EML6: variants seen among roughly 807,000 people sequenced by gnomAD.
EML6 encodes EMAP like 6, also known as echinoderm microtubule-associated protein-like 6.
A neutral mutation model predicts 240.1 loss-of-function variants in EML6; 154 were observed. That is an observed-to-expected ratio of 0.64 (90% CI 0.56 to 0.73). The LOEUF is 0.73. Among genes scored for constraint, EML6 ranks in the 30% least tolerant of loss-of-function variants. The probability of loss-of-function intolerance (pLI) is 0.00; values close to 1 mark genes in which losing one functional copy is unlikely to be tolerated. For synonymous variants in EML6, 1,148 were observed against 899.0 expected, an observed-to-expected ratio of 1.28 and a Z score of -4.95; for missense variants, 2,964 against 2,474.6, an observed-to-expected ratio of 1.20 and a Z score of -4.20.
At chr2:54,948,233 G>A (rs1480848071) in intron 28 of EML6, among the ~76,000 whole-genome samples, 2 of 152,142 alleles carry the variant, frequency 1.3e-5, no homozygotes, top group African/African-American at 4.8e-5. Flanking sequence ...CAAAACGGAG[G>A]CGGGAAAAGC....
At chr2:54,923,367 G>GCGCACACACA (rs1200496290) in intron 26 of EML6, among the ~76,000 whole-genome samples, 35 of 144,462 alleles carry the variant, frequency 2.4e-4, no homozygotes, top group African/African-American at 5.9e-4. Flanking sequence ...CTCACCAAAC[G>GCGCACACACA]CACACACACA....
intron 2 of EML6, among the ~76,000 whole-genome samples, chr2:54,791,353 T>C (rs1221874147): frequency 6.6e-6 from 1 of 152,214 alleles, no homozygotes; most frequent in African/African-American, 2.4e-5. Context: ...CTGTCCAGTT[T>C]GATTTCAACA....
intron 21 of EML6, among the ~76,000 whole-genome samples, chr2:54,897,721 C>G (rs1464875212): frequency 6.6e-6 from 1 of 150,708 alleles, no homozygotes; most frequent in African/African-American, 2.4e-5. Context: ...ATCTTTTTTT[C>G]GTCTTCTGCT....
At chr2:54,877,948 C>G (rs564874728) in intron 16 of EML6, among the ~76,000 whole-genome samples, 26 of 152,298 alleles carry the variant, frequency 1.7e-4, no homozygotes, top group African/African-American at 5.8e-4. Context: ...GGGTCTCTTG[C>G]ATAAGCAAGG....
At chr2:54,773,910 A>T (rs1238568457) in intron 2 of EML6, among the ~76,000 whole-genome samples, 1 of 152,226 alleles carries the variant, frequency 6.6e-6, no homozygotes, top group Non-Finnish European at 1.5e-5. Flanking sequence ...TGTTTCTGCT[A>T]CATACCATCA....
intron 2 of EML6, among the ~76,000 whole-genome samples, chr2:54,804,387 G>A (rs532915833): frequency 3.8e-4 from 58 of 152,224 alleles, no homozygotes; most frequent in Non-Finnish European, 7.5e-4. Context: ...TCTCATTAGT[G>A]AAACTTCTCA....
chr2:54,890,034 G>C (rs185212998), intron 17 of EML6, among the ~76,000 whole-genome samples: 83 of 152,326 alleles, frequency 5.4e-4, no homozygotes, highest in African/African-American at 2.0e-3. Flanking sequence ...TAAATGACAA[G>C]TCTGAAGCAT....
intron 2 of EML6, among the ~76,000 whole-genome samples, chr2:54,740,223 T>C (rs1683570682): frequency 2.0e-5 from 3 of 151,786 alleles, no homozygotes; most frequent in South Asian, 2.1e-4. Flanking sequence ...CCAGAGAAGG[T>C]AGGGAGGAAA....
At chr2:54,818,641 C>T (rs1490492658) in intron 4 of EML6, among the ~76,000 whole-genome samples, 5 of 152,192 alleles carry the variant, frequency 3.3e-5, no homozygotes, top group African/African-American at 1.2e-4. Context: ...AAATTGAACA[C>T]CTCTGGATAT....
chr2:54,848,255 A>G (rs961902873), intron 9 of EML6, among the ~76,000 whole-genome samples: 3 of 152,194 alleles, frequency 2.0e-5, no homozygotes, highest in African/African-American at 7.2e-5. Flanking sequence ...CTCTGAATGC[A>G]TTTGTCGTTC....
chr2:54,875,693 AG>A (rs1671469968), intron 16 of EML6, among the ~76,000 whole-genome samples: 1 of 152,268 alleles, frequency 6.6e-6, no homozygotes, highest in Admixed American at 6.5e-5. Flanking sequence ...AAGGACAAGA[AG>A]GAATGAATTT....
chr2:54,895,160 A>C, intron 20 of EML6, 113 bp from the exon 21 acceptor site: 11 of 1,344,372 alleles, frequency 8.2e-6, no homozygotes, highest in Non-Finnish European at 1.0e-5. Flanking sequence ...CCTCTGGTAG[A>C]AATGTCAAGG....
Position 54,957,982 on chromosome 2 carries a change from C to T in EML6, c.4679C>T (p.Ser1560Phe). The change falls in exon 33 of 42, where the codon TCC (serine) becomes TTC (phenylalanine). Residue 1560 changes from serine to phenylalanine, a missense_variant. Coordinates refer to ENST00000356458, the MANE Select transcript of EML6 (RefSeq NM_001039753.4). ...LGAAKMQTML[S>F]VAFGANNLTF... is the part of the protein sequence containing the mutation. ...GCTGCCAAAATGCAGACGATGCTCT[C>T]CGTGGCCTTCGGTGCTGTGAGTTCT... 6.4e-7 allele frequency: 1 copy of T among 1,550,878 alleles called. No individual in the cohort carries two copies. Among genetic ancestry groups the T allele is most frequent in the Non-Finnish European group, 8.7e-7 (1 of 1,146,406 alleles).
At chr2:54,740,743 G>A (rs1257013181) in intron 2 of EML6, among the ~76,000 whole-genome samples, 1 of 149,944 alleles carries the variant, frequency 6.7e-6, no homozygotes, top group East Asian at 2.0e-4. Context: ...AAGAGATATT[G>A]TTACAGATGT....
At chr2:54,813,509 C>T (rs767961443) in intron 3 of EML6, 118 bp downstream of exon 3, 1 of 873,970 alleles carries the variant, frequency 1.1e-6, no homozygotes, top group Non-Finnish European at 1.8e-6. Context: ...TCTGGCACAG[C>T]CTCCTAGAAT....
intron 2 of EML6, among the ~76,000 whole-genome samples, chr2:54,764,760 G>C (rs1370879858): frequency 6.6e-6 from 1 of 152,152 alleles, no homozygotes; most frequent in African/African-American, 2.4e-5. Context: ...TGGGGAAATG[G>C]GGCAGCAAAA....
intron 2 of EML6, among the ~76,000 whole-genome samples, chr2:54,752,529 T>C (rs4671972): frequency 0.44 from 66,425 of 152,010 alleles, 14,606 homozygotes; most frequent in Middle Eastern, 0.51. Context: ...TATTGAACTT[T>C]ATAAAAATTG....
rs567777503 is a variant in EML6, at chr2:54,913,784, G to A, written c.3498+2742G>A. 7.4e-4 allele frequency among the ~76,000 whole-genome samples: 113 copies of A among 152,246 alleles called. No homozygotes were observed. The Middle Eastern group carries it at 0.017, about 23-fold the overall frequency. On this transcript the variant is annotated intron_variant, in intron 25 of 41. Coordinates refer to ENST00000356458, the MANE Select transcript of EML6 (RefSeq NM_001039753.4). The stretch of plus-strand genomic sequence containing the variant: ...TAGGTTTTCTTCTAGGATTCTTATA[G>A]TTTGAGGTCTTACATTTAAATCTCT...
chr2:54,900,520 A>AG (rs1206044881), intron 22 of EML6, among the ~76,000 whole-genome samples: 1 of 152,202 alleles, frequency 6.6e-6, no homozygotes, highest in Non-Finnish European at 1.5e-5. Context: ...AAGGGACAGG[A>AG]GGAGAGGACA....
Sources: allele counts gnomAD v4.1 joint callset (sites outside exome capture counted in the v4.1 genomes callset), GRCh38; gene constraint gnomAD v4.1.1; transcripts MANE v1.5; gene names NCBI Gene and HGNC (gene_info 2026-07-23, HGNC 2026-07-21).